NUP210: variants seen among roughly 807,000 people sequenced by gnomAD.
NUP210 encodes nucleoporin 210.
NUP210 carries 151 observed loss-of-function variants against 196.0 expected under a neutral mutation model. The observed-to-expected ratio is 0.77, with a 90% CI of 0.67 to 0.88. The LOEUF (loss-of-function observed/expected upper bound fraction) is 0.88. Among genes scored for constraint, NUP210 ranks in the 40% least tolerant of loss-of-function variants. The pLI is 0.00. For missense variants in NUP210, 2,314 were observed against 2,493.7 expected, an observed-to-expected ratio of 0.93 and a Z score of 1.53; for synonymous variants, 1,070 against 1,052.7, an observed-to-expected ratio of 1.02 and a Z score of -0.32.
rs2124974513 is a variant in NUP210, at chr3:13,420,039, C to A, written c.167+21G>T. On this transcript the variant is annotated intron_variant, in intron 1 of 39. Transcript: ENST00000254508. The surrounding 1 kb of genome is among the most constrained non-coding windows in gnomAD (Gnocchi z 4.8). ...CCCAGCCCGGCCCACGGCGCCCGCC[C>A]GGCCCGGCCGCGCGCCTCACCAGCG... 1.6e-6 allele frequency: 2 copies of A among 1,226,592 alleles called. No individual in the cohort carries two copies. Among genetic ancestry groups the A allele is most frequent in the Non-Finnish European group, 2.1e-6 (2 of 970,436 alleles). The allele number at this position is 1,226,592 out of a possible 1,614,324, so 76.0% of individuals were successfully genotyped here. A position where few individuals can be genotyped will look rare whatever the true frequency, so the allele number is the denominator to read the frequency against.
In NUP210 at chr3:13,379,842, C is replaced by T. The variant is rs1357998367; in HGVS notation, c.818-121G>A. 2 of 757,516 alleles carry T rather than the reference C, an allele frequency of 2.6e-6. No individual in the cohort carries two copies. The highest frequency in any genetic ancestry group is 4.0e-6 in the Non-Finnish European group (2 of 498,646). 46.9% of individuals were successfully genotyped at this position (757,516 alleles called of 1,614,324 possible). A position where few individuals can be genotyped will look rare whatever the true frequency, so the allele number is the denominator to read the frequency against. ...CACTCTGCTCTCAGTACAGCTGACG[C>T]ATTTTCTTAATTGTTTTCAGTGCTT... On this transcript the variant is annotated intron_variant, in intron 6 of 39. Coordinates refer to ENST00000254508, the MANE Select transcript of NUP210 (RefSeq NM_024923.4). This position sits in a 1 kb window ranked among gnomAD's most constrained non-coding sequence, Gnocchi z 4.2.
At chr3:13,386,438 G>A in intron 5 of NUP210, 31 bp from the exon 6 acceptor site, 3 of 1,613,074 alleles carry the variant, frequency 1.9e-6, no homozygotes, top group Non-Finnish European at 2.5e-6. Context: ...GACAAAGTGA[G>A]GTGCGGACAG....
At position 13,347,692 on chromosome 3, in the gene NUP210, G is replaced by A. The variant is rs1417172485; in HGVS notation, c.2835+4187C>T. Among the ~76,000 whole-genome samples, 6 of 152,214 alleles carry A rather than the reference G, an allele frequency of 3.9e-5. No homozygotes were observed. Among genetic ancestry groups the A allele is most frequent in the Admixed American group, 1.3e-4 (2 of 15,284 alleles). On this transcript the variant is annotated intron_variant, in intron 20 of 39. Transcript: ENST00000254508. This position sits in a 1 kb window ranked among gnomAD's most constrained non-coding sequence, Gnocchi z 4.7. ...CCTTTCTCTGAGCTAACTGGGGAGC[G>A]CTGGGGGCTTGTCTATCTCTGTGCT...
Position 13,317,646 on chromosome 3 carries a change from G to T in NUP210, c.*35C>A. 2 of 1,471,778 alleles carry T rather than the reference G, an allele frequency of 1.4e-6. No individual in the cohort carries two copies. Among genetic ancestry groups the T allele is most frequent in the Non-Finnish European group, 9.4e-7 (1 of 1,067,446 alleles). The allele number at this position is 1,471,778 out of a possible 1,614,324, so 91.2% of individuals were successfully genotyped here. ...TCCATCTTGGGGGTGCACGAGGCTCGGCTGAGACCCATCCTCCGGGAACCT... is the reference window on the plus strand; with the variant it reads ...TCCATCTTGGGGGTGCACGAGGCTCTGCTGAGACCCATCCTCCGGGAACCT... On this transcript the variant is annotated 3_prime_UTR_variant, in exon 40 of 40. Transcript: ENST00000254508.
intron 14 of NUP210, among the ~76,000 whole-genome samples, chr3:13,364,453 G>A (rs962673105): frequency 3.9e-5 from 6 of 152,152 alleles, no homozygotes; most frequent in Admixed American, 2.0e-4. Flanking sequence ...TTCCTCACAC[G>A]TTCATTCTAA....
chr3:13,335,985 G>T (rs1369245621), intron 27 of NUP210, among the ~76,000 whole-genome samples: 1 of 152,270 alleles, frequency 6.6e-6, no homozygotes, highest in Non-Finnish European at 1.5e-5. Context: ...AGACTATTCT[G>T]TTTGGGGATA....
rs151272317 is a variant in NUP210 at position 13,396,143 on chromosome 3, T to C, written c.436+1214A>G. The stretch of plus-strand genomic sequence containing the variant: ...GGGACATTTGGCCATGTCTGGGCCA[T>C]TTTTGATTGTCATGGCTTGGGAGAC... On this transcript the variant is annotated intron_variant, in intron 3 of 39. Transcript: ENST00000254508. Among the ~76,000 whole-genome samples, 713 of 152,298 alleles carry C rather than the reference T, an allele frequency of 4.7e-3. 2 individuals carry two copies. Among genetic ancestry groups the C allele is most frequent in the Non-Finnish European group, 6.7e-3 (458 of 68,034 alleles).
rs191099582 is a variant in NUP210 at position 13,404,189 on chromosome 3, G to A, written c.168-4328C>T. Among the ~76,000 whole-genome samples, 22 of 152,314 alleles carry A rather than the reference G, an allele frequency of 1.4e-4. No homozygotes were observed. The East Asian group carries it at 2.3e-3, about 16-fold the overall frequency. On this transcript the variant is annotated intron_variant, in intron 1 of 39. Coordinates refer to ENST00000254508, the MANE Select transcript of NUP210 (RefSeq NM_024923.4). ...AAGAACTGCAACAGCCACCAATTCC[G>A]TCCTCATCTGTAAGGCAGGCCCCCC... is the stretch of plus-strand genomic sequence containing the variant.
chr3:13,407,896 A>G (rs973066556), intron 1 of NUP210, among the ~76,000 whole-genome samples: 11 of 152,196 alleles, frequency 7.2e-5, no homozygotes, highest in African/African-American at 2.7e-4. Context: ...CTCTATCTTC[A>G]CGGAGCTTTC....
intron 34 of NUP210, 142 bp from the exon 35 acceptor site, chr3:13,322,481 G>T: frequency 1.2e-6 from 1 of 809,536 alleles, no homozygotes. Context: ...GCGGCTCAAA[G>T]CTTTGAGATG....
chr3:13,333,577 C>T (rs1697087784), intron 28 of NUP210, among the ~76,000 whole-genome samples: 1 of 152,226 alleles, frequency 6.6e-6, no homozygotes, highest in Admixed American at 6.5e-5. Context: ...CTCTCCATGC[C>T]TGTCTTGAGA....
chr3:13,351,580 G>C, intron 20 of NUP210: 1 of 325,906 alleles, frequency 3.1e-6, no homozygotes, highest in Non-Finnish European at 5.7e-6. Context: ...TCAACCTCCG[G>C]GGCTCAAGCA....
chr3:13,330,588 T>G lies in NUP210; in HGVS notation c.3982A>C (p.Lys1328Gln), dbSNP rs1429266990. 1 of 1,614,200 alleles carries G rather than the reference T, an allele frequency of 6.2e-7. No homozygotes were observed. Among genetic ancestry groups the G allele is most frequent in the Admixed American group, 1.7e-5 (1 of 60,028 alleles). The stretch of plus-strand genomic sequence containing the variant: ...TCATCAACATGCACAACTGGAACCT[T>G]TTCGGGTCCATCCAGGACGCGGTAG... ...LSYRVLDGPE[K>Q]VPVVHVDEKG... The change falls in exon 30 of 40, where the codon AAG (lysine) becomes CAG (glutamine). Residue 1328 changes from lysine to glutamine, a missense_variant. By Grantham distance (53) the Lys-to-Gln change is moderately conservative (BLOSUM62 1). Coordinates refer to ENST00000254508, the MANE Select transcript of NUP210 (RefSeq NM_024923.4).
intron 5 of NUP210, among the ~76,000 whole-genome samples, chr3:13,386,867 C>T (rs554163623): frequency 5.9e-5 from 9 of 152,266 alleles, no homozygotes; most frequent in African/African-American, 1.7e-4. Context: ...TTCCCCTGCC[C>T]GCCTTTCACC....
intron 28 of NUP210, among the ~76,000 whole-genome samples, chr3:13,333,274 G>GT (rs1559311454): frequency 6.6e-6 from 1 of 152,238 alleles, no homozygotes; most frequent in African/African-American, 2.4e-5. Context: ...CACCACCTGT[G>GT]TAAGTCCCCT....
At chr3:13,405,366 G>A (rs1164368177) in intron 1 of NUP210, among the ~76,000 whole-genome samples, 2 of 152,164 alleles carry the variant, frequency 1.3e-5, no homozygotes. Context: ...TCTTGAGCCT[G>A]CTGGCCTTCA....
intron 1 of NUP210, among the ~76,000 whole-genome samples, chr3:13,409,134 G>A (rs1700085096): frequency 6.6e-6 from 1 of 152,202 alleles, no homozygotes; most frequent in South Asian, 2.1e-4. Flanking sequence ...CATTTCTGTG[G>A]GGGACATGTG....
chr3:13,333,023 C>A (rs576279660), intron 28 of NUP210, among the ~76,000 whole-genome samples: 34 of 152,350 alleles, frequency 2.2e-4, no homozygotes, highest in Admixed American at 1.8e-3. Context: ...TCAGAACAAC[C>A]CCCGTTCCAC....
At position 13,397,384 on chromosome 3, in the gene NUP210, G is replaced by A. The variant is rs1699693416; in HGVS notation, c.409C>T (p.Leu137=). 1 of 1,611,886 alleles carries A rather than the reference G, an allele frequency of 6.2e-7. No homozygotes were observed. Among genetic ancestry groups the A allele is most frequent in the Admixed American group, 1.7e-5 (1 of 59,404 alleles). ...TCGGAGTCCAGGGCCTGGATCTTCAGCTCCAGGGGGGAGTCCTCCAGGTAG... is the reference window on the plus strand; with the variant it reads ...TCGGAGTCCAGGGCCTGGATCTTCAACTCCAGGGGGGAGTCCTCCAGGTAG... ...ELYLEDSPLE[L]KIQALDSEGN... The change falls in exon 3 of 40, where the codon CTG becomes TTG. Residue 137 remains leucine, a synonymous_variant. Transcript: ENST00000254508.
Sources: allele counts gnomAD v4.1 joint callset (sites outside exome capture counted in the v4.1 genomes callset), GRCh38; gene constraint gnomAD v4.1.1; non-coding constraint Gnocchi (gnomAD v3.1); transcripts MANE v1.5; gene names NCBI Gene and HGNC (gene_info 2026-07-23, HGNC 2026-07-21).